The following DGKB variants were observed in gnomAD, a reference collection of about 807,000 sequenced individuals.
The protein encoded by DGKB is 90 kDa diacylglycerol kinase.
In DGKB, 67 loss-of-function variants were observed where a neutral mutation model predicts 114.3. That is an observed-to-expected ratio of 0.59 (90% CI 0.48 to 0.72). The LOEUF (loss-of-function observed/expected upper bound fraction) is 0.72. Ranked by LOEUF, DGKB falls within the 30% of genes least tolerant of loss-of-function variation. The probability of loss-of-function intolerance (pLI) is 0.00; values close to 1 mark genes in which losing one functional copy is unlikely to be tolerated. For synonymous variants in DGKB, 398 were observed against 323.1 expected, an observed-to-expected ratio of 1.23 and a Z score of -2.49; for missense variants, 907 against 975.2, an observed-to-expected ratio of 0.93 and a Z score of 0.93.
In DGKB at chr7:14,250,617, C is replaced by T. The variant is rs78924791; in HGVS notation, c.2123-72466G>A. 7.1e-3 allele frequency among the ~76,000 whole-genome samples: 1,077 copies of T among 152,104 alleles called. 13 individuals are homozygous for T. Among genetic ancestry groups the T allele is most frequent in the African/African-American group, 0.024 (1,003 of 41,468 alleles). On this transcript the variant is annotated intron_variant, in intron 23 of 25. Transcript: ENST00000402815. ...GCCCTTGAACAGAATGTGCATTCTG[C>T]TGTGTTGGATGGAATGTTCTTTATA...
intron 20 of DGKB, among the ~76,000 whole-genome samples, chr7:14,486,224 GTAGTAGCTATAC>G (rs1169087562): frequency 6.6e-6 from 1 of 152,188 alleles, no homozygotes; most frequent in Non-Finnish European, 1.5e-5. Flanking sequence ...CCTTGGGAAA[GTAGTAGCTATAC>G]ACTGGGAGAA....
chr7:14,653,350 T>C (rs1431770565), intron 13 of DGKB, among the ~76,000 whole-genome samples: 10 of 152,176 alleles, frequency 6.6e-5, no homozygotes, highest in South Asian at 2.1e-4. Context: ...TTCACGTCCT[T>C]TGTAGGGACA....
intron 20 of DGKB, among the ~76,000 whole-genome samples, chr7:14,499,555 A>G (rs1329612416): frequency 6.6e-6 from 1 of 151,822 alleles, no homozygotes; most frequent in Non-Finnish European, 1.5e-5. Context: ...CAGATCAGTG[A>G]TAGATTATCA....
At chr7:14,320,299 A>G (rs951487503) in intron 23 of DGKB, among the ~76,000 whole-genome samples, 2 of 152,158 alleles carry the variant, frequency 1.3e-5, no homozygotes, top group Non-Finnish European at 2.9e-5. Flanking sequence ...TGGTCTAACA[A>G]AACTCAGCAT....
At chr7:14,441,270 G>C (rs894917511) in intron 21 of DGKB, among the ~76,000 whole-genome samples, 2 of 152,088 alleles carry the variant, frequency 1.3e-5, no homozygotes, top group Non-Finnish European at 2.9e-5. Context: ...GCCTCCCGAA[G>C]TGCTGGGATT....
intron 20 of DGKB, among the ~76,000 whole-genome samples, chr7:14,549,953 C>T (rs117238295): frequency 6.6e-6 from 1 of 151,642 alleles, no homozygotes; most frequent in Non-Finnish European, 1.5e-5. Flanking sequence ...CACGCCACTG[C>T]ACTCTAGCCT....
At chr7:14,250,100 G>T (rs1035462328) in intron 23 of DGKB, among the ~76,000 whole-genome samples, 21 of 150,378 alleles carry the variant, frequency 1.4e-4, no homozygotes, top group African/African-American at 5.1e-4. Flanking sequence ...GACTACAGGT[G>T]TGGGCTACCA....
chr7:14,317,588 G>T (rs1386453777), intron 23 of DGKB, among the ~76,000 whole-genome samples: 1 of 148,608 alleles, frequency 6.7e-6, no homozygotes, highest in African/African-American at 2.5e-5. Context: ...GGGATGTGAA[G>T]GACCTCTTCA....
chr7:14,148,760 A>G lies in DGKB; in HGVS notation c.*371T>C. The G allele has an allele frequency of 3.4e-6, 1 of 292,040 alleles. No homozygotes were observed. The highest frequency in any genetic ancestry group is 6.5e-6 in the Non-Finnish European group (1 of 153,530). The allele number at this position is 292,040 out of a possible 1,614,324, so 18.1% of individuals were successfully genotyped here. On this transcript the variant is annotated 3_prime_UTR_variant, in exon 26 of 26. Coordinates refer to ENST00000402815, the MANE Select transcript of DGKB (RefSeq NM_001350709.2). The stretch of plus-strand genomic sequence containing the variant: ...TGATTAGTGCTTCGTAATAATTGGA[A>G]TCACACTGAGAATCACGTTTCCCAT...
intron 2 of DGKB, among the ~76,000 whole-genome samples, chr7:14,805,023 G>C (rs1401038050): frequency 6.6e-6 from 1 of 151,870 alleles, no homozygotes; most frequent in Non-Finnish European, 1.5e-5. Context: ...GGTTTTATTA[G>C]TTATTGTGCT....
intron 1 of DGKB, among the ~76,000 whole-genome samples, chr7:14,850,765 T>C (rs1562714799): frequency 1.3e-5 from 2 of 152,196 alleles, no homozygotes; most frequent in Non-Finnish European, 2.9e-5. Flanking sequence ...ATATTACTAT[T>C]CATTAACTTA....
chr7:14,886,704 G>C lies in DGKB; in HGVS notation c.-188+15888C>G, dbSNP rs369885340. 3.3e-5 allele frequency among the ~76,000 whole-genome samples: 5 copies of C among 151,856 alleles called. No individual in the cohort carries two copies. The East Asian group carries it at 7.7e-4, about 24-fold the overall frequency. ...CTCACCTTTATTACCACAATAGCTG[G>C]CTGGCTACCACCTTCCATCTGGCCC... On this transcript the variant is annotated intron_variant, in intron 1 of 25. Transcript: ENST00000402815.
intron 20 of DGKB, among the ~76,000 whole-genome samples, chr7:14,503,833 CAGAAGTCCAG>C (rs1786586613): frequency 6.6e-6 from 1 of 151,976 alleles, no homozygotes; most frequent in African/African-American, 2.4e-5. Flanking sequence ...AAAACCTTTG[CAGAAGTCCAG>C]AGAAGATATC....
rs186365083 is a variant in DGKB, at chr7:14,244,379, G to A, written c.2123-66228C>T. On this transcript the variant is annotated intron_variant, in intron 23 of 25. Coordinates refer to ENST00000402815, the MANE Select transcript of DGKB (RefSeq NM_001350709.2). ...GTGATATTAGAAGAGGGTGCTGGCC[G>A]GGCGCGGTGGCTCACGCCTGTAATC... 2.6e-3 allele frequency among the ~76,000 whole-genome samples: 400 copies of A among 152,136 alleles called. 2 individuals carry two copies. Among genetic ancestry groups the A allele is most frequent in the African/African-American group, 9.2e-3 (380 of 41,496 alleles).
intron 22 of DGKB, among the ~76,000 whole-genome samples, chr7:14,340,604 G>A (rs1272521819): frequency 2.0e-5 from 3 of 151,074 alleles, no homozygotes; most frequent in African/African-American, 7.3e-5. Flanking sequence ...CAAGCAGAAG[G>A]GGGTCCTCTA....
At chr7:14,370,592 T>C (rs1817470822) in intron 21 of DGKB, among the ~76,000 whole-genome samples, 1 of 152,212 alleles carries the variant, frequency 6.6e-6, no homozygotes, top group African/African-American at 2.4e-5. Flanking sequence ...GTGTCTTCTC[T>C]TATTTTCTTG....
chr7:14,891,452 A>G (rs1233126231), intron 1 of DGKB, among the ~76,000 whole-genome samples: 4 of 151,448 alleles, frequency 2.6e-5, no homozygotes, highest in Non-Finnish European at 5.9e-5. Context: ...ACACAATAGG[A>G]GTGCAAGTAA....
At chr7:14,445,557 A>C (rs529523165) in intron 21 of DGKB, among the ~76,000 whole-genome samples, 2 of 152,160 alleles carry the variant, frequency 1.3e-5, no homozygotes, top group South Asian at 2.1e-4. Flanking sequence ...AAAGGAGATA[A>C]TGAAGAGGTA....
At chr7:14,411,988 A>C (rs1029183064) in intron 21 of DGKB, among the ~76,000 whole-genome samples, 3 of 152,196 alleles carry the variant, frequency 2.0e-5, no homozygotes, top group African/African-American at 7.2e-5. Context: ...CAGAAAATCA[A>C]GTTGTATAAG....
Sources: allele counts gnomAD v4.1 joint callset (sites outside exome capture counted in the v4.1 genomes callset), GRCh38; gene constraint gnomAD v4.1.1; transcripts MANE v1.5; gene names NCBI Gene and HGNC (gene_info 2026-07-23, HGNC 2026-07-21).